Variants in ZNF814 observed in about 807,000 individuals in gnomAD.
ZNF814 encodes zinc finger protein 814.
Under a neutral mutation model 7.5 loss-of-function variants are expected in ZNF814, and 5 were observed. That is an observed-to-expected ratio of 0.67 (90% CI 0.35 to 1.40). The LOEUF is 1.40. Among genes scored for constraint, ZNF814 ranks in the 40% most tolerant of loss-of-function variants. The pLI is 0.04. For synonymous variants in ZNF814, 315 were observed against 340.7 expected (o/e 0.92, Z 0.83); for missense variants, 962 against 1,018.0 (o/e 0.94, Z 0.75).
chr19:57,878,071 C>A (rs1193307671), intron 1 of ZNF814, among the ~76,000 whole-genome samples: 1 of 147,294 alleles, frequency 6.8e-6, no homozygotes, highest in Non-Finnish European at 1.5e-5. Context: ...GAGGCTGAGG[C>A]AGGAGAATCG....
At position 57,871,158 on chromosome 19, in the gene ZNF814, C is replaced by CTG. The variant is rs1242206896; in HGVS notation, c.*1662_*1663dup. On this transcript the variant is annotated 3_prime_UTR_variant, in exon 3 of 3. Coordinates refer to ENST00000435989, the MANE Select transcript of ZNF814 (RefSeq NM_001144989.2). ...AGGGCATGTGTCTGCATTGCAAGAGCTGGGCAACAGACTTCCCTCAGCCGT... is the reference window on the plus strand; with the variant it reads ...AGGGCATGTGTCTGCATTGCAAGAGCTGTGGGCAACAGACTTCCCTCAGCCGT... 6.6e-6 allele frequency: 1 copy of CTG among 152,166 alleles called. No individual in the cohort carries two copies. The highest frequency in any genetic ancestry group is 1.5e-5 in the Non-Finnish European group (1 of 68,038). The allele number at this position is 152,166 out of a possible 1,614,324, so 9.4% of individuals were successfully genotyped here.
chr19:57,894,835 GA>G, the ZNF814 span, among the ~76,000 whole-genome samples: 243 of 121,150 alleles, frequency 2.0e-3, no homozygotes, highest in Middle Eastern at 4.5e-3. Context: ...CTCCGTCTCA[GA>G]AAAAAAAAAA....
In ZNF814 at chr19:57,874,964, G is replaced by T; in HGVS notation, c.426C>A (p.His142Gln). The change falls in exon 3 of 3, where the codon CAC (histidine) becomes CAA (glutamine). Residue 142 changes from histidine to glutamine, a missense_variant. Physicochemically the swap from His to Gln is conservative, Grantham distance 24. Transcript: ENST00000435989. ...TCCCTCTGTAGGGTTTCTCTCCAAT[G>T]TGCTCATTCTGGTGCTGATGAAAGT... ...SGNFHQHQNEHIGEKPYRGSV... is the reference protein window; with the variant it reads ...SGNFHQHQNEQIGEKPYRGSV... 6.2e-7 allele frequency: 1 copy of T among 1,612,696 alleles called. No homozygotes were observed. Among genetic ancestry groups the T allele is most frequent in the South Asian group, 1.1e-5 (1 of 91,042 alleles).
rs2071567826 is a variant in ZNF814 at position 57,872,891 on chromosome 19, A to AAGG, written c.2498_2499insCCT (p.Cys833_Gly834insLeu). On this transcript the variant is annotated inframe_insertion, in exon 3 of 3. Coordinates refer to ENST00000435989, the MANE Select transcript of ZNF814 (RefSeq NM_001144989.2). ...GAGACTTCTTGTTAAATAATTTCCC[A>AAGG]CATTTCTCACATTTATAAGGCTTTT... 2 of 1,612,122 alleles carry AAGG rather than the reference A, an allele frequency of 1.2e-6. No homozygotes were observed. Among genetic ancestry groups the AAGG allele is most frequent in the Non-Finnish European group, 1.7e-6 (2 of 1,179,464 alleles).
chr19:57,895,714 GCTGCAGC>G, the ZNF814 span, among the ~76,000 whole-genome samples: 1 of 152,084 alleles, frequency 6.6e-6, no homozygotes, highest in Non-Finnish European at 1.5e-5. Flanking sequence ...GCCAATTAGT[GCTGCAGC>G]CTATTTCCTT....
At chr19:57,898,938 T>TC in the ZNF814 span, among the ~76,000 whole-genome samples, 64 of 95,294 alleles carry the variant, frequency 6.7e-4, 3 homozygotes, top group East Asian at 3.3e-3. Context: ...AGACTCTGTC[T>TC]CAAAAAAAAA....
chr19:57,893,225 G>A (rs2071742094), upstream of ZNF814, among the ~76,000 whole-genome samples: 1 of 149,346 alleles, frequency 6.7e-6, no homozygotes, highest in Admixed American at 6.7e-5. Context: ...CCAGGCTGGA[G>A]TGCAGTGGTG....
intron 1 of ZNF814, among the ~76,000 whole-genome samples, chr19:57,880,613 C>CA: frequency 1.2e-5 from 1 of 84,832 alleles, no homozygotes; most frequent in East Asian, 3.8e-4. Flanking sequence ...TTTTTTTTTT[C>CA]TTTTTTTTTT....
Position 57,873,557 on chromosome 19 carries a change from T to G in ZNF814, c.1833A>C (p.Lys611Asn). 6.2e-7 allele frequency: 1 copy of G among 1,614,070 alleles called. No individual in the cohort carries two copies. Among genetic ancestry groups the G allele is most frequent in the Non-Finnish European group, 8.5e-7 (1 of 1,180,014 alleles). ...ERPYECGECGKSFSHKRSLVH... is the reference protein window; with the variant it reads ...ERPYECGECGNSFSHKRSLVH... The stretch of plus-strand genomic sequence containing the variant: ...CAAGGCTGCGCTTATGACTAAAAGA[T>G]TTCCCACATTCTCCACACTCATAAG... The change falls in exon 3 of 3, where the codon AAA becomes AAC. Residue 611 changes from lysine (K) to asparagine (N), a missense_variant. By Grantham distance (94) the Lys-to-Asn change is moderately conservative (BLOSUM62 0). This residue lies in a region of ZNF814 where 665 missense variants were observed against 551.4 expected (regional missense o/e 1.21). Coordinates refer to ENST00000435989, the MANE Select transcript of ZNF814 (RefSeq NM_001144989.2).
At chr19:57,888,645 C>T in intron 1 of ZNF814, 122 bp downstream of exon 1, 1 of 1,286,276 alleles carries the variant, frequency 7.8e-7, no homozygotes, top group Non-Finnish European at 1.1e-6. Flanking sequence ...GGGCCCCTCC[C>T]GCAAGCGCCT....
intron 1 of ZNF814, among the ~76,000 whole-genome samples, chr19:57,883,660 CAAAAA>C (rs112035326): frequency 7.7e-6 from 1 of 129,428 alleles, no homozygotes; most frequent in Admixed American, 7.8e-5. Flanking sequence ...GACCCTGTCT[CAAAAA>C]AAAAAAAAAA....
At chr19:57,885,305 G>T (rs1207950509) in intron 1 of ZNF814, among the ~76,000 whole-genome samples, 1 of 149,078 alleles carries the variant, frequency 6.7e-6, no homozygotes, top group Admixed American at 6.7e-5. Flanking sequence ...CTGGGCAACA[G>T]AGAAGGACTC....
chr19:57,887,674 C>T (rs781175920), intron 1 of ZNF814, among the ~76,000 whole-genome samples: 44 of 152,138 alleles, frequency 2.9e-4, no homozygotes, highest in Non-Finnish European at 5.6e-4. Context: ...GGACTCCTTA[C>T]CCACCCCCCT....
intron 1 of ZNF814, among the ~76,000 whole-genome samples, chr19:57,886,560 G>A (rs1316595829): frequency 6.6e-6 from 1 of 151,588 alleles, no homozygotes; most frequent in Non-Finnish European, 1.5e-5. Flanking sequence ...TGCCATCAAG[G>A]GTAAGATGCT....
intron 1 of ZNF814, among the ~76,000 whole-genome samples, chr19:57,882,929 G>T (rs553747930): frequency 1.3e-5 from 2 of 152,168 alleles, no homozygotes; most frequent in Non-Finnish European, 2.9e-5. Context: ...CACCAAAGAC[G>T]AATCCTGGAG....
Position 57,875,155 on chromosome 19 carries a change from C to T in ZNF814, c.235G>A (p.Val79Ile), listed in dbSNP as rs1200034614. The change falls in exon 3 of 3, where the codon GTC (valine) becomes ATC (isoleucine). Residue 79 changes from valine (V) to isoleucine (I), a missense_variant. Val to Ile is a conservative substitution (Grantham distance 29, BLOSUM62 3). This residue lies in a region of ZNF814 where 65 missense variants were observed against 131.3 expected (regional missense o/e 0.50). Coordinates refer to ENST00000435989, the MANE Select transcript of ZNF814 (RefSeq NM_001144989.2). ...QSIYIQRETQ[V>I]RTPMAGVSPK... ...GACACACCTGCCATAGGAGTCCTGA[C>T]CTGAGTCTCTCTTTGTATATAAATA... 3 of 1,546,532 alleles carry T rather than the reference C, an allele frequency of 1.9e-6. No homozygotes were observed. Among genetic ancestry groups the T allele is most frequent in the Non-Finnish European group, 2.6e-6 (3 of 1,145,540 alleles).
At chr19:57,889,092 A>T (rs1023078102), upstream of ZNF814, 3 of 498,090 alleles carry the variant, frequency 6.0e-6, no homozygotes, top group Non-Finnish European at 1.1e-5. Flanking sequence ...GCACACAGGA[A>T]ACGCCTTTAT....
chr19:57,900,685 T>G, the ZNF814 span, among the ~76,000 whole-genome samples: 1 of 151,932 alleles, frequency 6.6e-6, no homozygotes, highest in Non-Finnish European at 1.5e-5. Context: ...CATGTTTCAG[T>G]AGATATTTAT....
At chr19:57,884,900 T>G (rs984099121) in intron 1 of ZNF814, among the ~76,000 whole-genome samples, 3 of 152,196 alleles carry the variant, frequency 2.0e-5, no homozygotes, top group African/African-American at 7.2e-5. Flanking sequence ...GCAATCCCAC[T>G]GCTGGGTATA....
Sources: gnomAD v4.1 joint callset for allele counts (sites outside exome capture counted in the v4.1 genomes callset) on GRCh38, gnomAD v4.1.1 for gene constraint, gnomAD v4.1.1 regional missense constraint, MANE v1.5 for transcripts, NCBI Gene and HGNC (gene_info 2026-07-23, HGNC 2026-07-21) for gene names.